Variants in ITGAL observed in about 807,000 individuals in gnomAD.
The protein encoded by ITGAL is integrin subunit alpha L.
Under a neutral mutation model 138.4 loss-of-function variants are expected in ITGAL, and 68 were observed. The ratio of observed to expected loss-of-function variants is 0.49; its 90% confidence interval spans 0.40 to 0.60. The LOEUF (loss-of-function observed/expected upper bound fraction) is 0.60. Ranked by LOEUF, ITGAL falls within the 20% of genes least tolerant of loss-of-function variation. ITGAL has a pLI of 0.00. For synonymous variants in ITGAL, 561 were observed against 584.3 expected (o/e 0.96, Z 0.57); for missense variants, 1,256 against 1,478.6 (o/e 0.85, Z 2.47).
At position 30,494,266 on chromosome 16, in the gene ITGAL, G is replaced by A; in HGVS notation, c.1268G>A (p.Gly423Glu). 2 of 1,613,158 alleles carry A rather than the reference G, an allele frequency of 1.2e-6. No individual in the cohort carries two copies. Among genetic ancestry groups the A allele is most frequent in the Non-Finnish European group, 8.5e-7 (1 of 1,179,310 alleles). ...CAAAAGACTTCGTTGCTGGCCTCGG[G>A]AGCCCCTCGATACCAGCACATGGGC... Reference protein sequence around the residue: ...SRQKTSLLASGAPRYQHMGRV... With the variant: ...SRQKTSLLASEAPRYQHMGRV... The change falls in exon 12 of 31, where the codon GGA (glycine) becomes GAA (glutamate). Residue 423 changes from glycine (G) to glutamate (E), a missense_variant. By Grantham distance (98) the Gly-to-Glu change is moderately conservative (BLOSUM62 -2). This residue lies in a region of ITGAL where 867 missense variants were observed against 972.5 expected (regional missense o/e 0.89). Coordinates refer to ENST00000356798, the MANE Select transcript of ITGAL (RefSeq NM_002209.3). The surrounding 1 kb of genome is among the most constrained non-coding windows in gnomAD (Gnocchi z 4.2).
intron 15 of ITGAL, chr16:30,498,776 C>A (rs544433929): frequency 2.2e-5 from 6 of 273,514 alleles, no homozygotes; most frequent in East Asian, 7.0e-5. Context: ...TGGCACATGC[C>A]TGTGGTCCCA....
At chr16:30,483,804 A>T in intron 7 of ITGAL, 23 bp from the exon 8 acceptor site, 1 of 1,593,588 alleles carries the variant, frequency 6.3e-7, no homozygotes, top group Non-Finnish European at 8.6e-7. Flanking sequence ...GGAGTCTCTC[A>T]TCTCCTCCTT....
At chr16:30,486,517 TAA>T (rs916095846) in intron 9 of ITGAL, among the ~76,000 whole-genome samples, 1 of 151,810 alleles carries the variant, frequency 6.6e-6, no homozygotes, top group African/African-American at 2.4e-5. Flanking sequence ...AAAAAGTTTT[TAA>T]AAAAAACTCA....
At chr16:30,490,181 T>A (rs1474835243) in intron 11 of ITGAL, among the ~76,000 whole-genome samples, 5 of 131,852 alleles carry the variant, frequency 3.8e-5, no homozygotes, top group African/African-American at 5.8e-5. Context: ...GAACTGAGGA[T>A]CATGCCACTG....
At chr16:30,508,845 C>T (rs1160902884) in intron 21 of ITGAL, among the ~76,000 whole-genome samples, 2 of 151,454 alleles carry the variant, frequency 1.3e-5, no homozygotes, top group Admixed American at 6.6e-5. Context: ...GGCGACAGAG[C>T]GAGACCTTGT....
chr16:30,512,955 C>G (rs1480762784), intron 24 of ITGAL, among the ~76,000 whole-genome samples: 1 of 152,228 alleles, frequency 6.6e-6, no homozygotes, highest in African/African-American at 2.4e-5. Flanking sequence ...CCTGCCTCAG[C>G]CTCCTGAAGT....
chr16:30,507,474 A>C (rs959292769), intron 21 of ITGAL, among the ~76,000 whole-genome samples: 18 of 151,060 alleles, frequency 1.2e-4, no homozygotes, highest in Admixed American at 9.3e-4. Flanking sequence ...AAAACAAAAA[A>C]AAAAACAAAA....
chr16:30,485,730 C>T (rs1334430982), intron 9 of ITGAL, among the ~76,000 whole-genome samples: 1 of 148,810 alleles, frequency 6.7e-6, no homozygotes, highest in Non-Finnish European at 1.5e-5. Flanking sequence ...GCAGGGATCT[C>T]GCTATGTTGC....
intron 21 of ITGAL, among the ~76,000 whole-genome samples, chr16:30,510,034 A>G (rs1032321728): frequency 7.7e-6 from 1 of 129,482 alleles, no homozygotes; most frequent in African/African-American, 3.0e-5. Context: ...GTAAGATCCT[A>G]TATTTAAAAA....
In ITGAL at chr16:30,483,814, T is replaced by G. The variant is rs951759373; in HGVS notation, c.723-13T>G. On this transcript the variant is annotated splice_polypyrimidine_tract_variant and intron_variant, in intron 7 of 30. Transcript: ENST00000356798. Reference sequence around the variant, plus strand: ...TTGGGGGAGTCTCTCATCTCCTCCTTTCCTGGACACAGGACAGAGGTGTTC... The same window carrying G: ...TTGGGGGAGTCTCTCATCTCCTCCTGTCCTGGACACAGGACAGAGGTGTTC... The G allele has an allele frequency of 2.5e-6, 4 of 1,604,142 alleles. No individual in the cohort carries two copies. In the East Asian group the frequency reaches 9.0e-5, roughly 36 times the overall value.
At chr16:30,517,961 TG>T in intron 28 of ITGAL, 66 bp downstream of exon 28, 1 of 1,305,888 alleles carries the variant, frequency 7.7e-7, no homozygotes. Flanking sequence ...CCGTTGTGGG[TG>T]GGCTCCCACC....
chr16:30,496,330 C>A, intron 14 of ITGAL, 36 bp downstream of exon 14: 1 of 1,603,736 alleles, frequency 6.2e-7, no homozygotes, highest in South Asian at 1.1e-5. Context: ...ACTCCATTCT[C>A]AGGTGCCCTA....
chr16:30,478,657 C>T (rs1355479278), intron 4 of ITGAL, among the ~76,000 whole-genome samples: 2 of 139,456 alleles, frequency 1.4e-5, no homozygotes, highest in Admixed American at 1.5e-4. Context: ...GAGATCATGC[C>T]ATGCAGTCCA....
At chr16:30,483,506 T>A (rs910161193) in intron 7 of ITGAL, among the ~76,000 whole-genome samples, 1 of 152,096 alleles carries the variant, frequency 6.6e-6, no homozygotes, top group Non-Finnish European at 1.5e-5. Flanking sequence ...CTGTAGCTGA[T>A]TAAAGAGTGG....
intron 21 of ITGAL, among the ~76,000 whole-genome samples, chr16:30,508,130 G>A (rs1259170262): frequency 1.3e-5 from 2 of 149,968 alleles, no homozygotes; most frequent in East Asian, 2.0e-4. Context: ...GGATGGTCTC[G>A]ATCTCCTGAC....
In ITGAL at chr16:30,504,283, G is replaced by A; in HGVS notation, c.2235+19G>A. ...AAGGGCGGTAAGAAGAGATGGCTAG[G>A]GATGGTGGGGAGTTTATCAGAGAAA... On this transcript the variant is annotated intron_variant, in intron 18 of 30. Coordinates refer to ENST00000356798, the MANE Select transcript of ITGAL (RefSeq NM_002209.3). 6.4e-7 allele frequency: 1 copy of A among 1,571,778 alleles called. No homozygotes were observed. The highest frequency in any genetic ancestry group is 8.8e-7 in the Non-Finnish European group (1 of 1,141,602).
intron 24 of ITGAL, among the ~76,000 whole-genome samples, chr16:30,512,447 C>T (rs368733491): frequency 2.6e-5 from 4 of 151,820 alleles, no homozygotes; most frequent in South Asian, 2.1e-4. Flanking sequence ...ATTAGCTCGG[C>T]GTTGTGGCAG....
chr16:30,518,513 C>G (rs1203818634), intron 28 of ITGAL, 111 bp from the exon 29 acceptor site: 1 of 720,856 alleles, frequency 1.4e-6, no homozygotes, highest in Non-Finnish European at 2.5e-6. Context: ...GATGGGTGCA[C>G]CCCCCTGGAA....
intron 25 of ITGAL, among the ~76,000 whole-genome samples, chr16:30,515,474 C>A (rs778523882): frequency 6.6e-6 from 1 of 152,206 alleles, no homozygotes; most frequent in Non-Finnish European, 1.5e-5. Context: ...TCTGTGACTT[C>A]CCACTGCCTC....
Sources: allele counts gnomAD v4.1 joint callset (sites outside exome capture counted in the v4.1 genomes callset), GRCh38; gene constraint gnomAD v4.1.1; regional missense constraint gnomAD v4.1.1; non-coding constraint Gnocchi (gnomAD v3.1); transcripts MANE v1.5; gene names NCBI Gene and HGNC (gene_info 2026-07-23, HGNC 2026-07-21).